The following EPS8 variants were observed in gnomAD, a reference collection of about 807,000 sequenced individuals.
EPS8 encodes EGFR pathway substrate 8, signaling adaptor, also known as epidermal growth factor receptor kinase substrate 8.
In EPS8, 42 loss-of-function variants were observed where a neutral mutation model predicts 103.8. The ratio of observed to expected loss-of-function variants is 0.40; its 90% CI spans 0.32 to 0.52. The LOEUF is 0.52. EPS8 is among the 20% of genes least tolerant of loss of function. The pLI is 0.40. For synonymous variants in EPS8, 344 were observed against 344.6 expected (o/e 1.00, Z 0.02); for missense variants, 969 against 1,005.1 (o/e 0.96, Z 0.49).
intron 17 of EPS8, among the ~76,000 whole-genome samples, chr12:15,639,491 T>A (rs879342569): frequency 1.3e-5 from 2 of 152,196 alleles, no homozygotes; most frequent in Non-Finnish European, 2.9e-5. Flanking sequence ...ATAAAATAAG[T>A]ACATAATATA....
Position 15,757,432 on chromosome 12 carries a change from C to T in EPS8, c.-22+31729G>A, listed in dbSNP as rs937376876. 1.3e-5 allele frequency among the ~76,000 whole-genome samples: 2 copies of T among 152,064 alleles called. No homozygotes were observed. Among genetic ancestry groups the T allele is most frequent in the Non-Finnish European group, 2.9e-5 (2 of 67,994 alleles). On this transcript the variant is annotated intron_variant, in intron 1 of 20. Coordinates refer to ENST00000281172, the MANE Select transcript of EPS8 (RefSeq NM_004447.6). This position sits in a 1 kb window ranked among gnomAD's most constrained non-coding sequence, Gnocchi z 4.1. ...GATCACAAAGTCAGGAGATCGAGACCATCCTGGCCAACACGGTGAAACCTC... is the reference window on the plus strand; with the variant it reads ...GATCACAAAGTCAGGAGATCGAGACTATCCTGGCCAACACGGTGAAACCTC...
In EPS8 at chr12:15,664,694, A is replaced by G. The variant is rs141824003; in HGVS notation, c.736+1062T>C. The stretch of plus-strand genomic sequence containing the variant: ...AGTTATATCGTTTAACTATAGTGCC[A>G]GATACCCTGTGTGAATAATACTTTA... On this transcript the variant is annotated intron_variant, in intron 8 of 20. Transcript: ENST00000281172. Among the ~76,000 whole-genome samples the G allele has an allele frequency of 3.6e-3, 548 of 152,316 alleles. 2 individuals are homozygous for G. Among genetic ancestry groups the G allele is most frequent in the African/African-American group, 0.013 (523 of 41,560 alleles).
rs3086457 is a variant in EPS8 at position 15,715,394 on chromosome 12, C to CTTTTTTT, written c.-21-32429_-21-32423dup. On this transcript the variant is annotated intron_variant, in intron 1 of 20. Coordinates refer to ENST00000281172, the MANE Select transcript of EPS8 (RefSeq NM_004447.6). ...TTTCTTTTTTTTTTTCTTTACTTTT[C>CTTTTTTT]TTTTTTTTTTTTTTTTGAGATGGAG... 4.7e-3 allele frequency among the ~76,000 whole-genome samples: 601 copies of CTTTTTTT among 127,044 alleles called. 9 individuals are homozygous for CTTTTTTT. Among genetic ancestry groups the CTTTTTTT allele is most frequent in the Non-Finnish European group, 7.3e-3 (460 of 63,152 alleles). The allele number at this position is 127,044 out of a possible 152,430, so 83.3% of individuals were successfully genotyped here.
intron 1 of EPS8, among the ~76,000 whole-genome samples, chr12:15,691,190 G>A (rs1368129580): frequency 1.3e-5 from 2 of 150,524 alleles, no homozygotes; most frequent in African/African-American, 4.9e-5. Context: ...AGGGCAACTA[G>A]ATTAGGGGTG....
intron 1 of EPS8, among the ~76,000 whole-genome samples, chr12:15,763,174 CTTG>C (rs1191860018): frequency 2.6e-5 from 4 of 152,090 alleles, no homozygotes; most frequent in Non-Finnish European, 2.9e-5. Context: ...ATAGGAGTTG[CTTG>C]TTGTTGTTTT....
At chr12:15,643,933 C>T (rs1163473016) in intron 15 of EPS8, among the ~76,000 whole-genome samples, 6 of 152,098 alleles carry the variant, frequency 3.9e-5, no homozygotes, top group Non-Finnish European at 7.4e-5. Flanking sequence ...CTATAAAACT[C>T]GAAGGCGTGG....
rs1282088890 is a variant in EPS8, at chr12:15,778,062, A to G, written c.-22+11099T>C. On this transcript the variant is annotated intron_variant, in intron 1 of 20. Coordinates refer to ENST00000281172, the MANE Select transcript of EPS8 (RefSeq NM_004447.6). The surrounding 1 kb of genome is among the most constrained non-coding windows in gnomAD (Gnocchi z 4.5). ...GCAAACATAGCAAACATACAAATAT[A>G]CAAAAAATATAGACCTTATTCCTAA... Among the ~76,000 whole-genome samples, 4 of 152,250 alleles carry G rather than the reference A, an allele frequency of 2.6e-5. No individual in the cohort carries two copies. Among genetic ancestry groups the G allele is most frequent in the Admixed American group, 6.5e-5 (1 of 15,288 alleles).
At position 15,772,282 on chromosome 12, in the gene EPS8, G is replaced by A. The variant is rs1176839357; in HGVS notation, c.-22+16879C>T. 6.6e-6 allele frequency among the ~76,000 whole-genome samples: 1 copy of A among 152,102 alleles called. No homozygotes were observed. Among genetic ancestry groups the A allele is most frequent in the African/African-American group, 2.4e-5 (1 of 41,404 alleles). Reference sequence around the variant, plus strand: ...GATGAGGGGGCCAGAGTAAAAGCAAGAAATTAATTTTGGGAAATGTGAAGT... The same window carrying A: ...GATGAGGGGGCCAGAGTAAAAGCAAAAAATTAATTTTGGGAAATGTGAAGT... On this transcript the variant is annotated intron_variant, in intron 1 of 20. Coordinates refer to ENST00000281172, the MANE Select transcript of EPS8 (RefSeq NM_004447.6). This position sits in a 1 kb window ranked among gnomAD's most constrained non-coding sequence, Gnocchi z 5.0.
intron 1 of EPS8, among the ~76,000 whole-genome samples, chr12:15,718,997 TA>T (rs1184134977): frequency 1.5e-4 from 23 of 152,122 alleles, no homozygotes; most frequent in African/African-American, 4.1e-4. Context: ...CTCCTATCTA[TA>T]ATCATGTGCT....
In EPS8 at chr12:15,682,976, A is replaced by T. The variant is rs953130374; in HGVS notation, c.-21-4T>A. On this transcript the variant is annotated splice_polypyrimidine_tract_variant and splice_region_variant and intron_variant, in intron 1 of 20. Transcript: ENST00000281172. ...TTGTGTCTTTCACTTGTGTGTTCTA[A>T]AAAAAGAAAGACACATAGATTAAAG... The T allele has an allele frequency of 2.6e-6, 4 of 1,529,882 alleles. No individual in the cohort carries two copies. The African/African-American group carries it at 4.2e-5, about 16-fold the overall frequency. 94.8% of individuals were successfully genotyped at this position (1,529,882 alleles called of 1,614,324 possible).
intron 6 of EPS8, 120 bp downstream of exon 6, chr12:15,669,267 G>A (rs939889148): frequency 2.9e-5 from 23 of 796,176 alleles, no homozygotes; most frequent in Middle Eastern, 2.5e-4. Flanking sequence ...TTTTCCTTAC[G>A]AGATGCTCAG....
intron 1 of EPS8, 67 bp from the exon 2 acceptor site, chr12:15,683,039 A>G (rs1263949084): frequency 1.3e-6 from 1 of 776,192 alleles, no homozygotes; most frequent in East Asian, 2.7e-5. Flanking sequence ...TTCAAAAGTT[A>G]TTCATTCAAC....
rs1946314466 is a variant in EPS8 at position 15,701,782 on chromosome 12, G to T, written c.-21-18810C>A. Reference sequence around the variant, plus strand: ...CCTATAAAAACACCAAAATGATACTGCCCTGGACACGGCCCTTAGGGGAAG... The same window carrying T: ...CCTATAAAAACACCAAAATGATACTTCCCTGGACACGGCCCTTAGGGGAAG... On this transcript the variant is annotated intron_variant, in intron 1 of 20. Coordinates refer to ENST00000281172, the MANE Select transcript of EPS8 (RefSeq NM_004447.6). This position sits in a 1 kb window ranked among gnomAD's most constrained non-coding sequence, Gnocchi z 5.1. 6.6e-6 allele frequency among the ~76,000 whole-genome samples: 1 copy of T among 152,102 alleles called. No individual in the cohort carries two copies. The highest frequency in any genetic ancestry group is 1.5e-5 in the Non-Finnish European group (1 of 68,008).
At chr12:15,664,571 C>T (rs956649467) in intron 8 of EPS8, among the ~76,000 whole-genome samples, 4 of 152,280 alleles carry the variant, frequency 2.6e-5, no homozygotes, top group African/African-American at 9.6e-5. Flanking sequence ...GATAACTTCC[C>T]AAGACCACAC....
rs1388359839 is a variant in EPS8, at chr12:15,778,072, T to C, written c.-22+11089A>G. Among the ~76,000 whole-genome samples the C allele has an allele frequency of 6.6e-6, 1 of 152,184 alleles. No homozygotes were observed. Among genetic ancestry groups the C allele is most frequent in the African/African-American group, 2.4e-5 (1 of 41,448 alleles). The stretch of plus-strand genomic sequence containing the variant: ...CAAACATACAAATATACAAAAAATA[T>C]AGACCTTATTCCTAAATTTAAAGGA... On this transcript the variant is annotated intron_variant, in intron 1 of 20. Coordinates refer to ENST00000281172, the MANE Select transcript of EPS8 (RefSeq NM_004447.6). The surrounding 1 kb of genome is among the most constrained non-coding windows in gnomAD (Gnocchi z 4.5).
chr12:15,725,620 G>A lies in EPS8; in HGVS notation c.-21-42648C>T, dbSNP rs1946644493. 6.6e-6 allele frequency among the ~76,000 whole-genome samples: 1 copy of A among 152,004 alleles called. No individual in the cohort carries two copies. Among genetic ancestry groups the A allele is most frequent in the Non-Finnish European group, 1.5e-5 (1 of 68,016 alleles). On this transcript the variant is annotated intron_variant, in intron 1 of 20. Transcript: ENST00000281172. This position sits in a 1 kb window ranked among gnomAD's most constrained non-coding sequence, Gnocchi z 4.5. ...GTGACACAATGGGTCTTCATCATAT[G>A]GTGATTCACTCACCACCACAGTATC...
At chr12:15,719,443 A>C (rs917712557) in intron 1 of EPS8, among the ~76,000 whole-genome samples, 1 of 152,188 alleles carries the variant, frequency 6.6e-6, no homozygotes, top group African/African-American at 2.4e-5. Flanking sequence ...TATGTTACCA[A>C]TAAATAGGAG....
At chr12:15,631,402 A>C (rs1432799829) in intron 18 of EPS8, 40 bp downstream of exon 18, 1 of 1,612,394 alleles carries the variant, frequency 6.2e-7, no homozygotes, top group African/African-American at 1.3e-5. Flanking sequence ...TAGTGCTTTT[A>C]ATTTGCAGAA....
intron 15 of EPS8, among the ~76,000 whole-genome samples, chr12:15,642,650 C>T (rs1385197013): frequency 1.3e-5 from 2 of 151,982 alleles, no homozygotes; most frequent in East Asian, 3.8e-4. Context: ...AATTTTACTC[C>T]CTAGTCTTCT....
Sources: gnomAD v4.1 joint callset for allele counts (sites outside exome capture counted in the v4.1 genomes callset) on GRCh38, gnomAD v4.1.1 for gene constraint, Gnocchi (gnomAD v3.1) non-coding constraint, MANE v1.5 for transcripts, NCBI Gene and HGNC (gene_info 2026-07-23, HGNC 2026-07-21) for gene names.